The following LDLRAD4 variants were observed in gnomAD, a reference collection of about 807,000 sequenced individuals.
The protein encoded by LDLRAD4 is low-density lipoprotein receptor class A domain-containing protein 4.
Under a neutral mutation model 17.0 loss-of-function variants are expected in LDLRAD4, and 5 were observed. The observed-to-expected ratio is 0.29, with a 90% confidence interval of 0.15 to 0.62. The LOEUF is 0.62. LDLRAD4 is among the 20% of genes least tolerant of loss of function. The pLI is 0.84. For synonymous variants in LDLRAD4, 168 were observed against 171.8 expected (o/e 0.98, Z 0.17); for missense variants, 340 against 424.7 (o/e 0.80, Z 1.75).
intron 3 of LDLRAD4, among the ~76,000 whole-genome samples, chr18:13,511,849 CTGTT>C (rs1253371012): frequency 1.3e-5 from 2 of 152,202 alleles, no homozygotes; most frequent in South Asian, 2.1e-4. Context: ...GGCCTCCTCT[CTGTT>C]TGCTCAGCTT....
At chr18:13,492,869 C>A (rs999786172) in intron 3 of LDLRAD4, among the ~76,000 whole-genome samples, 1 of 152,204 alleles carries the variant, frequency 6.6e-6, no homozygotes, top group African/African-American at 2.4e-5. Flanking sequence ...GTGGCTCACA[C>A]CTGTAATCCT....
chr18:13,646,032 T>C (rs1205541147), exon 6 of LDLRAD4: 2 of 171,612 alleles, frequency 1.2e-5, no homozygotes, highest in East Asian at 3.1e-4. Context: ...GCATGTTTTA[T>C]AATTAACTGA....
At chr18:13,371,087 C>T (rs568148803) in intron 1 of LDLRAD4, among the ~76,000 whole-genome samples, 117 of 152,282 alleles carry the variant, frequency 7.7e-4, no homozygotes, top group African/African-American at 2.2e-3. Context: ...TGGCTCCTGG[C>T]GGACTCTGTT....
At chr18:13,414,641 G>C (rs1327447142) in intron 2 of LDLRAD4, among the ~76,000 whole-genome samples, 2 of 152,214 alleles carry the variant, frequency 1.3e-5, no homozygotes, top group African/African-American at 4.8e-5. Flanking sequence ...AAACCAAAAG[G>C]ACTCATTATC....
At chr18:13,640,703 G>C (rs917690082) in intron 4 of LDLRAD4, among the ~76,000 whole-genome samples, 13 of 152,318 alleles carry the variant, frequency 8.5e-5, no homozygotes, top group African/African-American at 2.9e-4. Context: ...AGGTGGTGTG[G>C]CGGGGAGGAG....
intron 3 of LDLRAD4, chr18:13,561,302 C>G (rs576773137): frequency 6.6e-6 from 1 of 152,334 alleles, no homozygotes; most frequent in African/African-American, 2.4e-5. Flanking sequence ...ACCCCTTACT[C>G]TTTTCTGGGG....
At chr18:13,293,334 G>A (rs1182964436) in intron 1 of LDLRAD4, among the ~76,000 whole-genome samples, 4 of 152,200 alleles carry the variant, frequency 2.6e-5, no homozygotes, top group Non-Finnish European at 5.9e-5. Flanking sequence ...GTGTGAGTGT[G>A]TGTGTTTGTG....
At chr18:13,628,453 T>C (rs1037468212) in intron 4 of LDLRAD4, among the ~76,000 whole-genome samples, 1 of 152,238 alleles carries the variant, frequency 6.6e-6, no homozygotes, top group African/African-American at 2.4e-5. Flanking sequence ...GGAAACTGCA[T>C]TTCCAAGAGC....
intron 3 of LDLRAD4, among the ~76,000 whole-genome samples, chr18:13,443,908 T>A (rs1005395180): frequency 6.6e-6 from 1 of 152,214 alleles, no homozygotes; most frequent in Non-Finnish European, 1.5e-5. Flanking sequence ...GAACGCTGTG[T>A]GTGTGAAACT....
intron 3 of LDLRAD4, among the ~76,000 whole-genome samples, chr18:13,602,393 A>G (rs1295345603): frequency 6.6e-6 from 1 of 152,016 alleles, no homozygotes; most frequent in Non-Finnish European, 1.5e-5. Flanking sequence ...CTGCAAATCC[A>G]CATCCTTCCC....
intron 3 of LDLRAD4, chr18:13,613,947 A>G (rs943578186): frequency 2.0e-5 from 3 of 152,288 alleles, no homozygotes; most frequent in Admixed American, 6.5e-5. Flanking sequence ...CAGGCAGCTC[A>G]GAGTAACCAG....
At chr18:13,345,580 G>C (rs1054355808) in intron 1 of LDLRAD4, among the ~76,000 whole-genome samples, 1 of 152,196 alleles carries the variant, frequency 6.6e-6, no homozygotes, top group African/African-American at 2.4e-5. Flanking sequence ...TTGGTATCAG[G>C]ATGATGCTGG....
intron 1 of LDLRAD4, among the ~76,000 whole-genome samples, chr18:13,223,842 T>C (rs1012071569): frequency 2.6e-5 from 4 of 152,172 alleles, no homozygotes; most frequent in Admixed American, 2.6e-4. Context: ...TGTCAAGACA[T>C]TGCCCAGAGT....
chr18:13,242,387 T>C (rs1388899183), intron 1 of LDLRAD4, among the ~76,000 whole-genome samples: 1 of 152,216 alleles, frequency 6.6e-6, no homozygotes, highest in Non-Finnish European at 1.5e-5. Context: ...GGCCTGGAGC[T>C]GTGGCCGGGG....
At chr18:13,359,744 C>T (rs774259987) in intron 1 of LDLRAD4, among the ~76,000 whole-genome samples, 4 of 152,158 alleles carry the variant, frequency 2.6e-5, no homozygotes, top group Admixed American at 6.5e-5. Flanking sequence ...ATGATTTGAA[C>T]GTTGGTGGTG....
chr18:13,567,275 A>T (rs1464312650), intron 3 of LDLRAD4, among the ~76,000 whole-genome samples: 3 of 152,200 alleles, frequency 2.0e-5, no homozygotes, highest in Non-Finnish European at 4.4e-5. Context: ...AAACACAAGT[A>T]CCTTGCGTCT....
chr18:13,636,696 C>T (rs1445841511), intron 4 of LDLRAD4, among the ~76,000 whole-genome samples: 1 of 151,850 alleles, frequency 6.6e-6, no homozygotes, highest in Non-Finnish European at 1.5e-5. Context: ...GACGGTTTTT[C>T]ACCATGTTGG....
intron 1 of LDLRAD4, among the ~76,000 whole-genome samples, chr18:13,334,105 T>C (rs1045854842): frequency 6.6e-6 from 1 of 152,260 alleles, no homozygotes; most frequent in Non-Finnish European, 1.5e-5. Flanking sequence ...TTTCTCCATA[T>C]AGATGTTGTA....
intron 3 of LDLRAD4, among the ~76,000 whole-genome samples, chr18:13,546,731 G>C (rs6505826): frequency 6.6e-6 from 1 of 152,118 alleles, no homozygotes; most frequent in African/African-American, 2.4e-5. Flanking sequence ...TGTCGGGCAC[G>C]TGGTTCCCCC....
Sources: allele counts gnomAD v4.1 joint callset (sites outside exome capture counted in the v4.1 genomes callset), GRCh38; gene constraint gnomAD v4.1.1; transcripts MANE v1.5; gene names NCBI Gene and HGNC (gene_info 2026-07-23, HGNC 2026-07-21).